The following NTNG1 variants were observed in gnomAD, a reference collection of about 807,000 sequenced individuals.
The protein encoded by NTNG1 is netrin G1.
In NTNG1, 16 loss-of-function variants were observed where a neutral mutation model predicts 54.0. The ratio of observed to expected loss-of-function variants is 0.30; its 90% CI spans 0.20 to 0.45. The LOEUF (loss-of-function observed/expected upper bound fraction) is 0.45, where lower values mean the gene tolerates loss of function less well. Among genes scored for constraint, NTNG1 ranks in the 20% least tolerant of loss-of-function variants. NTNG1 has a pLI of 1.00. For synonymous variants in NTNG1, 255 were observed against 263.1 expected, an observed-to-expected ratio of 0.97 and a Z score of 0.30; for missense variants, 530 against 678.7, an observed-to-expected ratio of 0.78 and a Z score of 2.43.
At chr1:107,412,864 A>C (rs1382681339) in intron 5 of NTNG1, among the ~76,000 whole-genome samples, 2 of 152,206 alleles carry the variant, frequency 1.3e-5, no homozygotes, top group African/African-American at 2.4e-5. Flanking sequence ...CAAATTGTGA[A>C]GCATGCTTAT....
intron 5 of NTNG1, chr1:107,418,535 T>C (rs759251266): frequency 3.6e-6 from 5 of 1,372,206 alleles, no homozygotes; most frequent in South Asian, 1.3e-5. Flanking sequence ...CCAAATGACA[T>C]TATAGCTGAA....
rs1431146827 is a variant in NTNG1 at position 107,410,059 on chromosome 1, T to C, written c.1087+2351T>C. The stretch of plus-strand genomic sequence containing the variant: ...GAAGCTGTTTGGATATTTAGCTAAG[T>C]TATGGGTGTTTGCCAGTGCTTTTTG... On this transcript the variant is annotated intron_variant, in intron 5 of 7. Transcript: ENST00000370068. 3 of 152,178 alleles carry C rather than the reference T, an allele frequency of 2.0e-5. No homozygotes were observed. In the East Asian group the frequency reaches 5.8e-4, roughly 29 times the overall value. The allele number at this position is 152,178 out of a possible 1,614,324, so 9.4% of individuals were successfully genotyped here. A position where few individuals can be genotyped will look rare whatever the true frequency, so the allele number is the denominator to read the frequency against.
At chr1:107,417,419 CAA>C (rs1220350347) in intron 5 of NTNG1, among the ~76,000 whole-genome samples, 1 of 152,076 alleles carries the variant, frequency 6.6e-6, no homozygotes, top group Non-Finnish European at 1.5e-5. Context: ...ATGGAGGAAA[CAA>C]CATGATAATA....
chr1:107,354,829 C>G (rs1001299449), intron 3 of NTNG1, among the ~76,000 whole-genome samples: 1 of 152,146 alleles, frequency 6.6e-6, no homozygotes, highest in Non-Finnish European at 1.5e-5. Context: ...TGCTCTGTCT[C>G]TCATCCAGGG....
chr1:107,254,707 GA>G (rs371515838), intron 2 of NTNG1, among the ~76,000 whole-genome samples: 22 of 151,780 alleles, frequency 1.4e-4, no homozygotes, highest in Non-Finnish European at 2.2e-4. Flanking sequence ...ACTTTTGAAA[GA>G]AAAAAAATGA....
Position 107,480,843 on chromosome 1 carries a change from GTCACC to G in NTNG1, c.*6_*10del, listed in dbSNP as rs761474285. On this transcript the variant is annotated 3_prime_UTR_variant, in exon 8 of 8. Transcript: ENST00000370068. ...CCGCCAGCCCCCTGGTGTTCTAGGT[GTCACC>G]TCCAGCCACACCGGACGGGCCTGTG... is the stretch of plus-strand genomic sequence containing the variant. 6.4e-6 allele frequency: 10 copies of G among 1,552,630 alleles called. No homozygotes were observed. Among genetic ancestry groups the G allele is most frequent in the Non-Finnish European group, 8.7e-6 (10 of 1,148,214 alleles).
intron 3 of NTNG1, among the ~76,000 whole-genome samples, chr1:107,386,371 G>A (rs1049288481): frequency 6.6e-6 from 1 of 151,264 alleles, no homozygotes; most frequent in Non-Finnish European, 1.5e-5. Context: ...ATGGGGTTTC[G>A]CCATGTTGGC....
intron 2 of NTNG1, among the ~76,000 whole-genome samples, chr1:107,290,653 G>A (rs1248454539): frequency 1.3e-5 from 2 of 151,956 alleles, no homozygotes; most frequent in Admixed American, 1.3e-4. Flanking sequence ...AAACCAGGAA[G>A]GTCTAAAATT....
At chr1:107,438,720 C>T (rs1272514066) in intron 7 of NTNG1, among the ~76,000 whole-genome samples, 3 of 152,116 alleles carry the variant, frequency 2.0e-5, no homozygotes. Context: ...GAAAATAAGT[C>T]AATCCTGCTT....
At chr1:107,333,637 G>A (rs79590419) in intron 3 of NTNG1, among the ~76,000 whole-genome samples, 1 of 330 alleles carries the variant, frequency 3.0e-3, no homozygotes, top group South Asian at 0.12. Context: ...TGAAAACATC[G>A]TGTGTGTGTG....
chr1:107,150,658 T>G (rs1401809458), intron 2 of NTNG1, among the ~76,000 whole-genome samples: 3 of 152,164 alleles, frequency 2.0e-5, no homozygotes, highest in Non-Finnish European at 4.4e-5. Context: ...CAAGGTGTGA[T>G]TTGTGGGTGC....
At chr1:107,393,494 A>G (rs1672491936) in intron 3 of NTNG1, among the ~76,000 whole-genome samples, 1 of 152,064 alleles carries the variant, frequency 6.6e-6, no homozygotes, top group Non-Finnish European at 1.5e-5. Flanking sequence ...CTTTTTAAGG[A>G]ATATACAAAT....
In NTNG1 at chr1:107,178,737, A is replaced by G. The variant is rs1026921516; in HGVS notation, c.246+29898A>G. Among the ~76,000 whole-genome samples the G allele has an allele frequency of 2.0e-5, 3 of 152,208 alleles. No individual in the cohort carries two copies. In the South Asian group the frequency reaches 6.2e-4, roughly 32 times the overall value. ...AGTTAGACCCAATGCTGCTGAAAAG[A>G]CATACTGTTTTTCTTTTCTAGGTGA... On this transcript the variant is annotated intron_variant, in intron 2 of 7. Coordinates refer to ENST00000370068, the MANE Select transcript of NTNG1 (RefSeq NM_001113226.3).
chr1:107,270,403 T>C (rs1030162880), intron 2 of NTNG1, among the ~76,000 whole-genome samples: 3 of 152,220 alleles, frequency 2.0e-5, no homozygotes, highest in Non-Finnish European at 4.4e-5. Flanking sequence ...CTAAGCTCTT[T>C]GAATTTTCAT....
intron 3 of NTNG1, chr1:107,333,875 CA>C (rs1668426564): frequency 6.7e-6 from 1 of 148,564 alleles, no homozygotes. Context: ...GAGTACTATG[CA>C]TCCTTCTTTA....
At chr1:107,303,832 G>A (rs547921400) in intron 2 of NTNG1, among the ~76,000 whole-genome samples, 4 of 151,900 alleles carry the variant, frequency 2.6e-5, no homozygotes, top group African/African-American at 4.8e-5. Flanking sequence ...GACTACAGGC[G>A]CACGCCACCA....
intron 7 of NTNG1, among the ~76,000 whole-genome samples, chr1:107,459,439 C>A (rs17019110): frequency 6.6e-6 from 1 of 151,916 alleles, no homozygotes; most frequent in Non-Finnish European, 1.5e-5. Flanking sequence ...TTGAAAATAC[C>A]CTTGCCAGTA....
chr1:107,396,100 C>A (rs754527491), intron 4 of NTNG1, among the ~76,000 whole-genome samples: 1 of 152,086 alleles, frequency 6.6e-6, no homozygotes, highest in Non-Finnish European at 1.5e-5. Context: ...ATGGATGGAC[C>A]AATTAACTAC....
chr1:107,190,120 G>C (rs1657791934), intron 2 of NTNG1, among the ~76,000 whole-genome samples: 1 of 152,116 alleles, frequency 6.6e-6, no homozygotes, highest in South Asian at 2.1e-4. Flanking sequence ...TAAAATCCTA[G>C]AGACAGAAAG....
Sources: allele counts gnomAD v4.1 joint callset (sites outside exome capture counted in the v4.1 genomes callset), GRCh38; gene constraint gnomAD v4.1.1; transcripts MANE v1.5; gene names NCBI Gene and HGNC (gene_info 2026-07-23, HGNC 2026-07-21).